Variants in PTPN21 observed in about 807,000 individuals in gnomAD.
PTPN21 encodes protein tyrosine phosphatase non-receptor type 21.
A neutral mutation model predicts 131.8 loss-of-function variants in PTPN21; 77 were observed. The ratio of observed to expected loss-of-function variants is 0.58; its 90% CI spans 0.49 to 0.71. PTPN21 has a LOEUF of 0.71. Among genes scored for constraint, PTPN21 ranks in the 30% least tolerant of loss-of-function variants. The pLI, the probability that PTPN21 is intolerant of heterozygous loss-of-function variation, is 0.00. For missense variants in PTPN21, 1,552 were observed against 1,527.1 expected (o/e 1.02, Z -0.27); for synonymous variants, 715 against 621.3 (o/e 1.15, Z -2.24).
In PTPN21 at chr14:88,480,307, T is replaced by G; in HGVS notation, c.1124A>C (p.Gln375Pro). 2 of 1,614,192 alleles carry G rather than the reference T, an allele frequency of 1.2e-6. No individual in the cohort carries two copies. Among genetic ancestry groups the G allele is most frequent in the Middle Eastern group, 1.6e-4 (1 of 6,062 alleles). The change falls in exon 13 of 19, where the codon CAG becomes CCG. Residue 375 changes from glutamine (Q) to proline (P), a missense_variant. Physicochemically the swap from Gln to Pro is moderately conservative, Grantham distance 76. Coordinates refer to ENST00000556564, the MANE Select transcript of PTPN21 (RefSeq NM_007039.4). ...PNQNGYYCHS[Q>P]TSLDRAQIDL... is the part of the protein sequence containing the mutation. ...AATCTGGGCTCTATCCAAGCTTGTC[T>G]GAGAGTGACAGTAGTATCCGTTCTG...
intron 12 of PTPN21, among the ~76,000 whole-genome samples, chr14:88,482,829 T>C (rs1248067615): frequency 6.6e-6 from 1 of 151,092 alleles, no homozygotes; most frequent in Non-Finnish European, 1.5e-5. Context: ...GCTGGGAGGC[T>C]CCCAGAGGGC....
At chr14:88,544,874 C>A (rs1378679372) in intron 2 of PTPN21, among the ~76,000 whole-genome samples, 3 of 152,082 alleles carry the variant, frequency 2.0e-5, no homozygotes, top group Non-Finnish European at 4.4e-5. Context: ...GTCGCCCAGG[C>A]TGGAGTACAG....
At chr14:88,534,064 G>A (rs1390167965) in intron 2 of PTPN21, among the ~76,000 whole-genome samples, 1 of 152,124 alleles carries the variant, frequency 6.6e-6, no homozygotes, top group Non-Finnish European at 1.5e-5. Flanking sequence ...GTGTGTCTTA[G>A]TTTTCAACAC....
intron 2 of PTPN21, among the ~76,000 whole-genome samples, chr14:88,541,555 G>A (rs1184628355): frequency 6.6e-6 from 1 of 152,170 alleles, no homozygotes; most frequent in African/African-American, 2.4e-5. Context: ...CATACCTGCT[G>A]CCTAGCAGGG....
At chr14:88,475,558 C>G (rs1473491674) in intron 13 of PTPN21, among the ~76,000 whole-genome samples, 3 of 152,156 alleles carry the variant, frequency 2.0e-5, no homozygotes, top group Non-Finnish European at 4.4e-5. Context: ...GGCATACAGA[C>G]TAAACACTTC....
chr14:88,534,280 G>A (rs886739819), intron 2 of PTPN21, among the ~76,000 whole-genome samples: 3 of 151,918 alleles, frequency 2.0e-5, no homozygotes, highest in African/African-American at 7.3e-5. Context: ...CTACTTGGGA[G>A]GCTGAAGCAC....
At chr14:88,521,213 G>A (rs1463061484) in intron 2 of PTPN21, among the ~76,000 whole-genome samples, 1 of 151,948 alleles carries the variant, frequency 6.6e-6, no homozygotes, top group Non-Finnish European at 1.5e-5. Context: ...ATCAATTACT[G>A]ACTCCTCCCC....
intron 18 of PTPN21, 25 bp downstream of exon 18, chr14:88,468,891 G>T (rs1473442565): frequency 1.2e-6 from 2 of 1,613,432 alleles, no homozygotes; most frequent in African/African-American, 2.7e-5. Flanking sequence ...ACCCAAAAAG[G>T]CCAGGTGATC....
Position 88,479,542 on chromosome 14 carries a change from G to T in PTPN21, c.1889C>A (p.Ala630Glu), listed in dbSNP as rs751969585. 12 of 1,599,512 alleles carry T rather than the reference G, an allele frequency of 7.5e-6. No individual in the cohort carries two copies. In the Admixed American group the frequency reaches 8.3e-5, roughly 11 times the overall value. The change falls in exon 13 of 19, where the codon GCG becomes GAG. Residue 630 changes from alanine to glutamate, a missense_variant. Around this residue, in one of 4 missense-constraint regions of PTPN21, gnomAD observed 1,016 missense variants for 883.5 expected, o/e 1.15. Transcript: ENST00000556564. The stretch of plus-strand genomic sequence containing the variant: ...GATGCTGTTCCGTTTGTGCAGCTGC[G>T]CGTGGCGCGCGGCGGTGAGGGGCTC... ...VSEPLTAARH[A>E]QLHKRNSIEV...
intron 10 of PTPN21, among the ~76,000 whole-genome samples, chr14:88,490,335 C>T (rs2077805225): frequency 6.6e-6 from 1 of 152,016 alleles, no homozygotes. Context: ...CAGGGTGACA[C>T]TGACCTTTAT....
At chr14:88,528,507 A>C (rs947944784) in intron 2 of PTPN21, among the ~76,000 whole-genome samples, 2 of 152,202 alleles carry the variant, frequency 1.3e-5, no homozygotes, top group African/African-American at 2.4e-5. Context: ...TTTGTATCCT[A>C]AAACTTTACT....
chr14:88,513,582 CAAGTAAAAA>C (rs1325182308), intron 3 of PTPN21: 20 of 152,294 alleles, frequency 1.3e-4, no homozygotes, highest in African/African-American at 4.6e-4. Context: ...TCCTCTTTTG[CAAGTAAAAA>C]CTCCAGGCAC....
At chr14:88,497,393 T>G (rs1250271454) in intron 8 of PTPN21, 103 bp from the exon 9 acceptor site, 1 of 893,158 alleles carries the variant, frequency 1.1e-6, no homozygotes, top group African/African-American at 1.7e-5. Context: ...AAGTTAGCAT[T>G]TGGTAACATT....
At chr14:88,531,236 G>A (rs960036792) in intron 2 of PTPN21, among the ~76,000 whole-genome samples, 1 of 152,176 alleles carries the variant, frequency 6.6e-6, no homozygotes, top group African/African-American at 2.4e-5. Context: ...TCTTTGAACT[G>A]AATGATAATA....
In PTPN21 at chr14:88,479,499, G is replaced by A. The variant is rs772937226; in HGVS notation, c.1932C>T (p.Ser644=). 5.1e-5 allele frequency: 82 copies of A among 1,601,050 alleles called. No homozygotes were observed. Among genetic ancestry groups the A allele is most frequent in the Middle Eastern group, 1.6e-4 (1 of 6,076 alleles). ...TGAGCCGCAGGCCCTCCAGGCCGTG[G>A]CTGAGCCCGGCCACCTCGATGCTGT... ...KRNSIEVAGL[S]HGLEGLRLKE... is the part of the protein sequence containing the mutation. Residue 644 remains serine, a synonymous_variant, in exon 13 of 19, where the codon AGC becomes AGT. Transcript: ENST00000556564.
intron 2 of PTPN21, among the ~76,000 whole-genome samples, chr14:88,546,132 C>A (rs1595421113): frequency 6.6e-6 from 1 of 151,400 alleles, no homozygotes. Context: ...TACAAAATAT[C>A]TTAGACACTT....
At position 88,480,039 on chromosome 14, in the gene PTPN21, A is replaced by G; in HGVS notation, c.1392T>C (p.His464=). The G allele has an allele frequency of 6.2e-7, 1 of 1,613,978 alleles. No individual in the cohort carries two copies. Among genetic ancestry groups the G allele is most frequent in the South Asian group, 1.1e-5 (1 of 91,086 alleles). The change falls in exon 13 of 19, where the codon CAT becomes CAC. Residue 464 remains histidine, a synonymous_variant. Transcript: ENST00000556564. ...VMKQLNRGLV[H]AERQSHSLRN... is the part of the protein sequence containing the mutation. Reference sequence around the variant, plus strand: ...GCAGCGAGTGGCTCTGCCGTTCCGCATGCACCAGGCCCCTGTTGAGCTGCT... The same window carrying G: ...GCAGCGAGTGGCTCTGCCGTTCCGCGTGCACCAGGCCCCTGTTGAGCTGCT...
Position 88,479,120 on chromosome 14 carries a change from T to G in PTPN21, c.2311A>C (p.Met771Leu), listed in dbSNP as rs2077593923. ...KAHVPDAEKRMMDSSPVRTTA... is the reference protein window; with the variant it reads ...KAHVPDAEKRLMDSSPVRTTA... ...GTGCGGACGGGGCTGCTGTCCATCA[T>G]CCTCTTCTCCGCGTCTGGGACGTGG... Residue 771 changes from methionine to leucine, a missense_variant, in exon 13 of 19, where the codon ATG becomes CTG. Met to Leu is a conservative substitution (Grantham distance 15, BLOSUM62 2). Around this residue, in one of 4 missense-constraint regions of PTPN21, gnomAD observed 1,016 missense variants for 883.5 expected, o/e 1.15. Coordinates refer to ENST00000556564, the MANE Select transcript of PTPN21 (RefSeq NM_007039.4). 1.3e-6 allele frequency: 2 copies of G among 1,561,144 alleles called. No homozygotes were observed. The highest frequency in any genetic ancestry group is 1.7e-6 in the Non-Finnish European group (2 of 1,155,498).
chr14:88,518,610 T>C (rs2078340206), intron 2 of PTPN21, among the ~76,000 whole-genome samples: 1 of 149,200 alleles, frequency 6.7e-6, no homozygotes, highest in South Asian at 2.1e-4. Context: ...TTTGTATTTT[T>C]AGTAGGGACA....
Sources: gnomAD v4.1 joint callset for allele counts (sites outside exome capture counted in the v4.1 genomes callset) on GRCh38, gnomAD v4.1.1 for gene constraint, gnomAD v4.1.1 regional missense constraint, MANE v1.5 for transcripts, NCBI Gene and HGNC (gene_info 2026-07-23, HGNC 2026-07-21) for gene names.